Variants in KICS2 observed in about 807,000 individuals in gnomAD.
KICS2 encodes the protein KICSTOR complex protein C12orf66.
In KICS2, 13 loss-of-function variants were observed where a neutral mutation model predicts 31.4. The ratio of observed to expected loss-of-function variants is 0.41; its 90% CI spans 0.27 to 0.66. The LOEUF is 0.66. Among genes scored for constraint, KICS2 ranks in the 30% least tolerant of loss-of-function variants. The pLI, the probability that KICS2 is intolerant of heterozygous loss-of-function variation, is 0.28. For missense variants in KICS2, 455 were observed against 545.4 expected (o/e 0.83, Z 1.65); for synonymous variants, 209 against 214.8 (o/e 0.97, Z 0.24).
intron 1 of KICS2, 42 bp from the exon 2 acceptor site, chr12:64,216,005 G>A: frequency 6.5e-7 from 1 of 1,544,370 alleles, no homozygotes; most frequent in Non-Finnish European, 8.8e-7. Flanking sequence ...GTAAGAAGGA[G>A]AAACCGTAAG....
chr12:64,204,907 T>A (rs190097811), intron 2 of KICS2: 50 of 152,350 alleles, frequency 3.3e-4, no homozygotes, highest in African/African-American at 1.1e-3. Flanking sequence ...TGTATATTTT[T>A]AAAAATGTTT....
chr12:64,205,750 G>A (rs1310992874), intron 2 of KICS2, among the ~76,000 whole-genome samples: 3 of 56,614 alleles, frequency 5.3e-5, no homozygotes, highest in Non-Finnish European at 7.8e-5. Context: ...GGAAGGGAGG[G>A]AGGGAAAAGG....
downstream of KICS2, among the ~76,000 whole-genome samples, chr12:64,189,530 T>TA (rs1246483015): frequency 1.3e-5 from 2 of 152,226 alleles, no homozygotes; most frequent in East Asian, 3.8e-4. Flanking sequence ...GTAAAAACCT[T>TA]ACACGAGAAG....
At chr12:64,207,098 C>T (rs531811254) in intron 2 of KICS2, among the ~76,000 whole-genome samples, 3 of 151,948 alleles carry the variant, frequency 2.0e-5, no homozygotes, top group East Asian at 3.9e-4. Context: ...TGAGCTCACG[C>T]GTTCAAGACC....
intron 2 of KICS2, among the ~76,000 whole-genome samples, chr12:64,195,045 G>A (rs1156294121): frequency 6.6e-6 from 1 of 151,718 alleles, no homozygotes; most frequent in Non-Finnish European, 1.5e-5. Flanking sequence ...GGGCTCAAGT[G>A]AGCCTCTTGC....
At chr12:64,187,447 G>A, downstream of KICS2, 1 of 614,008 alleles carries the variant, frequency 1.6e-6, no homozygotes, top group Non-Finnish European at 2.8e-6. Flanking sequence ...AAGTACCCTA[G>A]AAACAGACCT....
chr12:64,206,511 T>C (rs988344442), intron 2 of KICS2, among the ~76,000 whole-genome samples: 1 of 152,232 alleles, frequency 6.6e-6, no homozygotes, highest in African/African-American at 2.4e-5. Flanking sequence ...ATACATTTAT[T>C]ATGAATAAAA....
intron 2 of KICS2, among the ~76,000 whole-genome samples, chr12:64,205,976 G>A (rs1035795913): frequency 2.0e-5 from 3 of 152,248 alleles, no homozygotes; most frequent in Non-Finnish European, 2.9e-5. Flanking sequence ...TTTATAGGCA[G>A]GGTCTCTGAA....
At chr12:64,190,004 A>G (rs750754662), downstream of KICS2, among the ~76,000 whole-genome samples, 37 of 152,192 alleles carry the variant, frequency 2.4e-4, no homozygotes, top group Non-Finnish European at 1.2e-4. Context: ...GAGAACTAAA[A>G]TGATGCTATC....
chr12:64,209,213 A>G (rs2037564107), intron 2 of KICS2, among the ~76,000 whole-genome samples: 1 of 152,092 alleles, frequency 6.6e-6, no homozygotes, highest in Non-Finnish European at 1.5e-5. Flanking sequence ...ATATAGTTCA[A>G]TTTGTTAATA....
At chr12:64,199,551 G>C (rs11504173) in intron 2 of KICS2, among the ~76,000 whole-genome samples, 36,487 of 138,072 alleles carry the variant, frequency 0.26, 4,916 homozygotes, top group East Asian at 0.44. Flanking sequence ...ACAAGACAGG[G>C]ATGCCCTCTC....
downstream of KICS2, among the ~76,000 whole-genome samples, chr12:64,189,293 A>G (rs74097946): frequency 4.6e-3 from 703 of 152,346 alleles, 8 homozygotes; most frequent in African/African-American, 0.016. Flanking sequence ...CTGGCTAATA[A>G]TGAGAAAAGG....
downstream of KICS2, among the ~76,000 whole-genome samples, chr12:64,189,755 A>G (rs777192772): frequency 6.6e-6 from 1 of 152,178 alleles, no homozygotes; most frequent in Non-Finnish European, 1.5e-5. Flanking sequence ...ACTTTGGAGT[A>G]AGCAGTAGCA....
chr12:64,216,179 T>TTATGATAATCATAAATACTTTAA (rs543021671), intron 1 of KICS2, among the ~76,000 whole-genome samples: 1 of 151,952 alleles, frequency 6.6e-6, no homozygotes, highest in Non-Finnish European at 1.5e-5. Context: ...CATAAATACT[T>TTATGATAATCATAAATACTTTAA]TGATTCATAA....
chr12:64,221,863 G>T (rs1020834000), intron 1 of KICS2, 140 bp downstream of exon 1: 3 of 957,822 alleles, frequency 3.1e-6, no homozygotes, highest in African/African-American at 1.7e-5. Context: ...GGAAAGGAAC[G>T]GTGGGAGGAG....
In KICS2 at chr12:64,191,140, T is replaced by TAG. The variant is rs1319976656; in HGVS notation, c.*2700_*2701dup. 2 of 152,250 alleles carry TAG rather than the reference T, an allele frequency of 1.3e-5. No homozygotes were observed. Among genetic ancestry groups the TAG allele is most frequent in the African/African-American group, 2.4e-5 (1 of 41,472 alleles). 9.4% of individuals were successfully genotyped at this position (152,250 alleles called of 1,614,324 possible). ...ACTTTACAGATCTCATTACTATATTTAGAGAATAAATCTTAGAGTAAAATG... is the reference window on the plus strand; with the variant it reads ...ACTTTACAGATCTCATTACTATATTTAGAGAGAATAAATCTTAGAGTAAAATG... On this transcript the variant is annotated 3_prime_UTR_variant, in exon 3 of 3. Coordinates refer to ENST00000398055, the MANE Select transcript of KICS2 (RefSeq NM_152440.5).
intron 1 of KICS2, among the ~76,000 whole-genome samples, chr12:64,220,244 G>A (rs747939808): frequency 3.3e-5 from 5 of 152,172 alleles, no homozygotes; most frequent in Non-Finnish European, 7.3e-5. Context: ...GCCAGCTGGG[G>A]TTCAAGCAGA....
intron 2 of KICS2, among the ~76,000 whole-genome samples, chr12:64,201,517 AG>A (rs1371266233): frequency 7.8e-6 from 1 of 127,632 alleles, no homozygotes; most frequent in Non-Finnish European, 1.6e-5. Flanking sequence ...ATGACAAGTT[AG>A]TGGGTGCAGC....
intron 2 of KICS2, among the ~76,000 whole-genome samples, chr12:64,205,775 GGGAA>G (rs141568124): frequency 0.045 from 1,763 of 39,502 alleles, 81 homozygotes; most frequent in African/African-American, 0.13. Flanking sequence ...GAAGGAAAAA[GGGAA>G]GGAAGGAAGG....
Sources: gnomAD v4.1 joint callset for allele counts (sites outside exome capture counted in the v4.1 genomes callset) on GRCh38, gnomAD v4.1.1 for gene constraint, MANE v1.5 for transcripts, NCBI Gene and HGNC (gene_info 2026-07-23, HGNC 2026-07-21) for gene names.